Variants in RNGTT observed in about 807,000 individuals in gnomAD.
The protein encoded by RNGTT is RNA guanylyltransferase and 5'-phosphatase, also known as mRNA-capping enzyme.
RNGTT carries 33 observed loss-of-function variants against 79.3 expected under a neutral mutation model. The observed-to-expected ratio is 0.42, with a 90% CI of 0.32 to 0.56. The LOEUF (loss-of-function observed/expected upper bound fraction) is 0.56. Ranked by LOEUF, RNGTT falls within the 20% of genes least tolerant of loss-of-function variation. The probability of loss-of-function intolerance (pLI) is 0.17; values close to 1 mark genes in which losing one functional copy is unlikely to be tolerated. For synonymous variants in RNGTT, 222 were observed against 235.9 expected (o/e 0.94, Z 0.54); for missense variants, 497 against 739.1 (o/e 0.67, Z 3.80).
At chr6:88,944,457 A>C (rs1303449837) in intron 1 of RNGTT, among the ~76,000 whole-genome samples, 1 of 149,876 alleles carries the variant, frequency 6.7e-6, no homozygotes, top group Non-Finnish European at 1.5e-5. Flanking sequence ...CTCAGCCCAT[A>C]CTCCTCCTCC....
At chr6:88,729,226 A>T (rs1201559010) in intron 13 of RNGTT, among the ~76,000 whole-genome samples, 1 of 152,094 alleles carries the variant, frequency 6.6e-6, no homozygotes, top group African/African-American at 2.4e-5. Flanking sequence ...TGAGCTTAAA[A>T]ATTTTCAAAA....
chr6:88,933,466 T>G (rs910994183), intron 2 of RNGTT, among the ~76,000 whole-genome samples: 1 of 151,818 alleles, frequency 6.6e-6, no homozygotes, highest in African/African-American at 2.4e-5. Flanking sequence ...CATTCTACTC[T>G]CTATGTCCAT....
intron 11 of RNGTT, among the ~76,000 whole-genome samples, chr6:88,813,865 T>C (rs1780223648): frequency 6.6e-6 from 1 of 152,220 alleles, no homozygotes; most frequent in Admixed American, 6.5e-5. Flanking sequence ...TTGATATGTA[T>C]GCTTTTTGAG....
chr6:88,737,595 G>A (rs1036283246), intron 13 of RNGTT, among the ~76,000 whole-genome samples: 2 of 152,154 alleles, frequency 1.3e-5, no homozygotes, highest in Admixed American at 6.5e-5. Context: ...GAGGTCACAA[G>A]GGTGGGGTCC....
At chr6:88,854,280 G>C (rs553501441) in intron 8 of RNGTT, among the ~76,000 whole-genome samples, 132 of 152,152 alleles carry the variant, frequency 8.7e-4, no homozygotes, top group African/African-American at 3.1e-3. Flanking sequence ...AAAACACAGA[G>C]TATAGGGAAT....
chr6:88,873,161 A>G (rs1053501337), intron 8 of RNGTT, among the ~76,000 whole-genome samples: 1 of 152,210 alleles, frequency 6.6e-6, no homozygotes, highest in Non-Finnish European at 1.5e-5. Context: ...ATCATAAAGC[A>G]AAGGTCAGAA....
chr6:88,815,172 G>A (rs775214083), intron 11 of RNGTT, among the ~76,000 whole-genome samples: 2 of 152,190 alleles, frequency 1.3e-5, no homozygotes, highest in Non-Finnish European at 2.9e-5. Context: ...GTCAGACACA[G>A]GGACAGTATG....
In RNGTT at chr6:88,825,196, A is replaced by C. The variant is rs1022279490; in HGVS notation, c.1269+19161T>G. On this transcript the variant is annotated intron_variant, in intron 11 of 15. Coordinates refer to ENST00000369485, the MANE Select transcript of RNGTT (RefSeq NM_003800.5). ...ACACTGAAGGGTACACTGAGAACTA[A>C]GAATATAAATTAATAATTGACACAA... Among the ~76,000 whole-genome samples the C allele has an allele frequency of 4.6e-5, 7 of 152,248 alleles. 1 individual carries two copies. Among genetic ancestry groups the C allele is most frequent in the Admixed American group, 4.6e-4 (7 of 15,288 alleles).
At chr6:88,939,968 C>T (rs968134187) in intron 2 of RNGTT, among the ~76,000 whole-genome samples, 2 of 151,418 alleles carry the variant, frequency 1.3e-5, no homozygotes, top group African/African-American at 2.4e-5. Flanking sequence ...ATGCTGCCCA[C>T]ACTGGTCTCA....
At chr6:88,918,860 GCTA>G (rs1424381845) in intron 4 of RNGTT, among the ~76,000 whole-genome samples, 3 of 152,028 alleles carry the variant, frequency 2.0e-5, no homozygotes, top group Non-Finnish European at 4.4e-5. Flanking sequence ...TCTCACCTAA[GCTA>G]CTGTTTTTGT....
At chr6:88,746,915 TAAAG>T (rs1468338339) in intron 13 of RNGTT, among the ~76,000 whole-genome samples, 2 of 152,126 alleles carry the variant, frequency 1.3e-5, no homozygotes, top group Non-Finnish European at 1.5e-5. Flanking sequence ...AGTGAAGACT[TAAAG>T]AAATCAGGTG....
At chr6:88,628,069 G>C (rs775623011) in intron 14 of RNGTT, among the ~76,000 whole-genome samples, 2 of 152,056 alleles carry the variant, frequency 1.3e-5, no homozygotes, top group Non-Finnish European at 2.9e-5. Context: ...AAGGCATTAC[G>C]TAAGTACAGA....
intron 14 of RNGTT, among the ~76,000 whole-genome samples, chr6:88,672,840 A>C (rs1256673057): frequency 6.6e-6 from 1 of 152,236 alleles, no homozygotes; most frequent in Non-Finnish European, 1.5e-5. Flanking sequence ...TGTAGGGCTT[A>C]GATAGAAAAC....
At chr6:88,616,355 T>G (rs531646574) in intron 14 of RNGTT, among the ~76,000 whole-genome samples, 1 of 152,334 alleles carries the variant, frequency 6.6e-6, no homozygotes, top group South Asian at 2.1e-4. Flanking sequence ...TTAAATTATT[T>G]TGGCTATACA....
chr6:88,725,391 C>T (rs1006748841), intron 13 of RNGTT, among the ~76,000 whole-genome samples: 3 of 152,184 alleles, frequency 2.0e-5, no homozygotes, highest in African/African-American at 7.2e-5. Flanking sequence ...GTGGTTGGGA[C>T]TGAGGAAAAA....
chr6:88,902,880 A>G (rs2127941552), intron 6 of RNGTT, among the ~76,000 whole-genome samples: 1 of 151,994 alleles, frequency 6.6e-6, no homozygotes, highest in East Asian at 1.9e-4. Context: ...TATTTTTAGT[A>G]GAGACGGGGT....
At chr6:88,961,832 C>T (rs900872070) in intron 1 of RNGTT, among the ~76,000 whole-genome samples, 4 of 152,158 alleles carry the variant, frequency 2.6e-5, no homozygotes, top group African/African-American at 4.8e-5. Flanking sequence ...TATATGTCCA[C>T]ACAAAGAATT....
Position 88,890,558 on chromosome 6 carries a change from T to G in RNGTT, c.833A>C (p.Lys278Thr). The G allele has an allele frequency of 6.2e-7, 1 of 1,613,840 alleles. No individual in the cohort carries two copies. The highest frequency in any genetic ancestry group is 1.1e-5 in the South Asian group (1 of 91,054). ...CAGGTCTAAAAGTTTAATATTTTGCTTGTCCATGGAAACAGGCTGTGCTCC... is the reference window on the plus strand; with the variant it reads ...CAGGTCTAAAAGTTTAATATTTTGCGTGTCCATGGAAACAGGCTGTGCTCC... Reference protein sequence around the residue: ...FPGAQPVSMDKQNIKLLDLKP... With the variant: ...FPGAQPVSMDTQNIKLLDLKP... Residue 278 changes from lysine to threonine, a missense_variant, in exon 8 of 16, where the codon AAG (lysine) becomes ACG (threonine). Lys to Thr is a moderately conservative substitution (Grantham distance 78). Transcript: ENST00000369485.
At chr6:88,643,778 G>C (rs1410817767) in intron 14 of RNGTT, among the ~76,000 whole-genome samples, 1 of 152,194 alleles carries the variant, frequency 6.6e-6, no homozygotes, top group Non-Finnish European at 1.5e-5. Context: ...AATGAAGGCA[G>C]AAATAAAGAT....
Sources: allele counts gnomAD v4.1 joint callset (sites outside exome capture counted in the v4.1 genomes callset), GRCh38; gene constraint gnomAD v4.1.1; transcripts MANE v1.5; gene names NCBI Gene and HGNC (gene_info 2026-07-23, HGNC 2026-07-21).